Variants in NUP155 observed in about 807,000 individuals in gnomAD.
NUP155 encodes the protein nuclear pore complex protein Nup155.
Under a neutral mutation model 180.4 loss-of-function variants are expected in NUP155, and 71 were observed. The observed-to-expected ratio is 0.39, with a 90% confidence interval of 0.33 to 0.48. NUP155 has a LOEUF of 0.48. Ranked by LOEUF, NUP155 falls within the 20% of genes least tolerant of loss-of-function variation. The pLI is 0.91. For missense variants in NUP155, 1,553 were observed against 1,648.9 expected, an observed-to-expected ratio of 0.94 and a Z score of 1.01; for synonymous variants, 582 against 559.5, an observed-to-expected ratio of 1.04 and a Z score of -0.57.
At chr5:37,316,015 A>G (rs924026502) in intron 21 of NUP155, among the ~76,000 whole-genome samples, 5 of 152,210 alleles carry the variant, frequency 3.3e-5, no homozygotes, top group Admixed American at 6.5e-5. Context: ...CATCAAAAAA[A>G]TTAGTAATAG....
At chr5:37,308,479 A>G (rs777397822) in intron 24 of NUP155, among the ~76,000 whole-genome samples, 1 of 151,876 alleles carries the variant, frequency 6.6e-6, no homozygotes, top group African/African-American at 2.4e-5. Context: ...TGGGTGGATC[A>G]TGAGGTCAGG....
At chr5:37,313,799 A>G (rs1743685230) in intron 22 of NUP155, among the ~76,000 whole-genome samples, 1 of 152,164 alleles carries the variant, frequency 6.6e-6, no homozygotes, top group Non-Finnish European at 1.5e-5. Flanking sequence ...CATGGTGCCC[A>G]GTCAAGAGTA....
Position 37,289,236 on chromosome 5 carries a change from C to T in NUP155, c.*2664G>A, listed in dbSNP as rs1011977335. On this transcript the variant is annotated 3_prime_UTR_variant, in exon 35 of 35. Coordinates refer to ENST00000231498, the MANE Select transcript of NUP155 (RefSeq NM_153485.3). ...ATGAGGTGGGAAGACTGAGTTGAGC[C>T]CAGGAGCTCGAGGCTGCAGTGAGCC... 1 of 152,478 alleles carries T rather than the reference C, an allele frequency of 6.6e-6. No individual in the cohort carries two copies. Among genetic ancestry groups the T allele is most frequent in the Non-Finnish European group, 1.5e-5 (1 of 68,250 alleles). The allele number at this position is 152,478 out of a possible 1,614,324, so 9.4% of individuals were successfully genotyped here.
chr5:37,361,947 G>A (rs1335232781), intron 3 of NUP155, among the ~76,000 whole-genome samples: 1 of 152,060 alleles, frequency 6.6e-6, no homozygotes, highest in African/African-American at 2.4e-5. Flanking sequence ...TTATAAAAGA[G>A]GACCCAAAGA....
At chr5:37,366,984 T>C (rs1747630117) in intron 1 of NUP155, among the ~76,000 whole-genome samples, 1 of 152,036 alleles carries the variant, frequency 6.6e-6, no homozygotes, top group Non-Finnish European at 1.5e-5. Context: ...TCCGCCTGCC[T>C]TGGCCTCCCA....
chr5:37,351,216 C>A lies in NUP155; in HGVS notation c.697G>T (p.Gly233Cys). The A allele has an allele frequency of 6.2e-7, 1 of 1,613,796 alleles. No homozygotes were observed. The highest frequency in any genetic ancestry group is 8.5e-7 in the Non-Finnish European group (1 of 1,179,884). The change falls in exon 6 of 35, where the codon GGC (glycine) becomes TGC (cysteine). Residue 233 changes from glycine (G) to cysteine (C), a missense_variant. Coordinates refer to ENST00000231498, the MANE Select transcript of NUP155 (RefSeq NM_153485.3). ...NGRIFLAGKDGCLYEVAYQAE... is the reference protein window; with the variant it reads ...NGRIFLAGKDCCLYEVAYQAE... ...TGGTAGGCTACTTCATATAAACAGC[C>A]ATCCTTTCCAGCCAAGAAAATTCTG...
chr5:37,292,036 C>T lies in NUP155; in HGVS notation c.4040G>A (p.Arg1347Lys), dbSNP rs956020131. Residue 1347 changes from arginine (R) to lysine (K), a missense_variant and splice_region_variant, in exon 35 of 35, where the codon AGA (arginine) becomes AAA (lysine). Transcript: ENST00000231498. Reference sequence around the variant, plus strand: ...ATCCAGGCAGAGATTTGTAAATCTTCTCCTACAACGAAAAAGACACATGAT... The same window carrying T: ...ATCCAGGCAGAGATTTGTAAATCTTTTCCTACAACGAAAAAGACACATGAT... ...NPSQVLNCERRRFTNLCLDAV... is the reference protein window; with the variant it reads ...NPSQVLNCERKRFTNLCLDAV... The T allele has an allele frequency of 4.7e-5, 76 of 1,613,916 alleles. No homozygotes were observed. Among genetic ancestry groups the T allele is most frequent in the Non-Finnish European group, 6.2e-5 (73 of 1,179,922 alleles).
At chr5:37,324,336 T>C (rs538278438) in intron 19 of NUP155, among the ~76,000 whole-genome samples, 1 of 152,210 alleles carries the variant, frequency 6.6e-6, no homozygotes. Context: ...TGATTACTTT[T>C]ATATATTTTT....
Position 37,363,898 on chromosome 5 carries a change from A to G in NUP155, c.382T>C (p.Tyr128His), listed in dbSNP as rs761886780. The G allele has an allele frequency of 6.2e-7, 1 of 1,610,260 alleles. No individual in the cohort carries two copies. Among genetic ancestry groups the G allele is most frequent in the South Asian group, 1.1e-5 (1 of 91,004 alleles). Residue 128 changes from tyrosine to histidine, a missense_variant, in exon 3 of 35, where the codon TAT becomes CAT. By Grantham distance (83) the Tyr-to-His change is moderately conservative. Coordinates refer to ENST00000231498, the MANE Select transcript of NUP155 (RefSeq NM_153485.3). The stretch of plus-strand genomic sequence containing the variant: ...GCCTTAAATACATACCCATCCTCAT[A>G]GTTCCACATGAATATATCACTGTCA... ...TIDSDIFMWN[Y>H]EDGGDLAYFD...
chr5:37,362,577 C>T (rs1747293567), intron 3 of NUP155, among the ~76,000 whole-genome samples: 1 of 152,110 alleles, frequency 6.6e-6, no homozygotes. Context: ...CATGAGCCAC[C>T]ATGCCCAGCC....
rs746668943 is a variant in NUP155 at position 37,327,729 on chromosome 5, G to A, written c.1924C>T (p.Pro642Ser). 3.1e-6 allele frequency: 5 copies of A among 1,614,118 alleles called. No individual in the cohort carries two copies. The South Asian group carries it at 3.3e-5, about 11-fold the overall frequency. Reference protein sequence around the residue: ...MSTPVCALGNPATQATNMSCV... With the variant: ...MSTPVCALGNSATQATNMSCV... Reference sequence around the variant, plus strand: ...CTCATATTTGTGGCCTGAGTTGCTGGGTTTCCCAGAGCACACACTGGAGTT... The same window carrying A: ...CTCATATTTGTGGCCTGAGTTGCTGAGTTTCCCAGAGCACACACTGGAGTT... The change falls in exon 18 of 35, where the codon CCA becomes TCA. Residue 642 changes from proline (P) to serine (S), a missense_variant. Physicochemically the swap from Pro to Ser is moderately conservative, Grantham distance 74 (BLOSUM62 -1). Coordinates refer to ENST00000231498, the MANE Select transcript of NUP155 (RefSeq NM_153485.3).
intron 19 of NUP155, 33 bp downstream of exon 19, chr5:37,325,868 C>G: frequency 7.0e-7 from 1 of 1,423,706 alleles, no homozygotes; most frequent in Non-Finnish European, 9.9e-7. Context: ...ACTGGCTACA[C>G]AAAAATAACA....
chr5:37,352,658 C>A (rs1746542130), intron 5 of NUP155, 79 bp downstream of exon 5: 1 of 875,584 alleles, frequency 1.1e-6, no homozygotes, highest in Middle Eastern at 2.2e-4. Context: ...AACATTTCAC[C>A]CAGATTAGCT....
intron 25 of NUP155, among the ~76,000 whole-genome samples, chr5:37,306,465 T>G (rs1743161526): frequency 6.6e-6 from 1 of 152,084 alleles, no homozygotes; most frequent in Non-Finnish European, 1.5e-5. Flanking sequence ...ATAGAAAGGT[T>G]ATATATTTCT....
At chr5:37,354,328 TAG>T (rs1746666713) in intron 4 of NUP155, among the ~76,000 whole-genome samples, 1 of 152,096 alleles carries the variant, frequency 6.6e-6, no homozygotes, top group African/African-American at 2.4e-5. Context: ...GTATTTTTAG[TAG>T]AGACACGGTT....
At chr5:37,322,403 G>C (rs1412931748) in intron 20 of NUP155, among the ~76,000 whole-genome samples, 1 of 152,118 alleles carries the variant, frequency 6.6e-6, no homozygotes, top group African/African-American at 2.4e-5. Context: ...TATTATATTA[G>C]AGGCTTAAAA....
chr5:37,359,052 T>C (rs1747033824), intron 3 of NUP155, among the ~76,000 whole-genome samples: 1 of 151,406 alleles, frequency 6.6e-6, no homozygotes, highest in South Asian at 2.1e-4. Context: ...CTCATGCCTG[T>C]AATCTCAGCA....
rs553237109 is a variant in NUP155, at chr5:37,323,962, G to GATGA, written c.2207+26_2207+29dup. The GATGA allele has an allele frequency of 4.5e-4, 630 of 1,399,954 alleles. 5 individuals are homozygous for GATGA. In the South Asian group the frequency reaches 5.0e-3, roughly 11 times the overall value. The allele number at this position is 1,399,954 out of a possible 1,614,324, so 86.7% of individuals were successfully genotyped here. On this transcript the variant is annotated intron_variant, in intron 20 of 34. Coordinates refer to ENST00000231498, the MANE Select transcript of NUP155 (RefSeq NM_153485.3). ...ACAAAAAATACAACGAAAAGAAAAA[G>GATGA]ATGAATTAATAAACCCTATTTATTC...
chr5:37,352,408 C>CA (rs1481572985), intron 5 of NUP155, among the ~76,000 whole-genome samples: 2 of 151,976 alleles, frequency 1.3e-5, no homozygotes, highest in Admixed American at 6.6e-5. Context: ...TATGGTGGTG[C>CA]ATGCCTGTAA....
Sources: allele counts gnomAD v4.1 joint callset (sites outside exome capture counted in the v4.1 genomes callset), GRCh38; gene constraint gnomAD v4.1.1; transcripts MANE v1.5; gene names NCBI Gene and HGNC (gene_info 2026-07-23, HGNC 2026-07-21).